CD99: variants seen among roughly 807,000 people sequenced by gnomAD.
CD99 encodes CD99 antigen.
In CD99, 19 loss-of-function variants were observed where a neutral mutation model predicts 28.4. The ratio of observed to expected loss-of-function variants is 0.67; its 90% confidence interval spans 0.47 to 0.98. The LOEUF is 0.98. Among genes scored for constraint, CD99 ranks in the 50% least tolerant of loss-of-function variants. The probability of loss-of-function intolerance (pLI) is 0.00; values close to 1 mark genes in which losing one functional copy is unlikely to be tolerated. For synonymous variants in CD99, 103 were observed against 92.1 expected, an observed-to-expected ratio of 1.12 and a Z score of -0.67; for missense variants, 283 against 248.8, an observed-to-expected ratio of 1.14 and a Z score of -0.92.
chrX:2,707,471 G>A (rs1325915851), intron 1 of CD99, among the ~76,000 whole-genome samples: 1 of 152,158 alleles, frequency 6.6e-6, no homozygotes, highest in Non-Finnish European at 1.5e-5. Flanking sequence ...CACCCCATGT[G>A]GCCTCGGGGA....
intron 8 of CD99, chrX:2,727,408 CT>C (rs2049351079): frequency 5.3e-6 from 4 of 758,610 alleles, no homozygotes; most frequent in African/African-American, 5.1e-5. Flanking sequence ...TTACATTTAG[CT>C]CTTGCCTTCC....
intron 8 of CD99, among the ~76,000 whole-genome samples, chrX:2,735,689 C>T (rs969117548): frequency 3.5e-4 from 53 of 152,134 alleles, no homozygotes; most frequent in Admixed American, 1.6e-3. Context: ...AAAATGCACC[C>T]GTGTTGACAA....
chrX:2,700,125 G>A (rs750180120), intron 1 of CD99, among the ~76,000 whole-genome samples: 4 of 152,294 alleles, frequency 2.6e-5, no homozygotes, highest in South Asian at 2.1e-4. Flanking sequence ...TGGTGGCTGC[G>A]TGTGTGGGCT....
chrX:2,691,882 C>T (rs1443526179), intron 1 of CD99: 3 of 778,994 alleles, frequency 3.9e-6, no homozygotes, highest in Non-Finnish European at 4.8e-6. Flanking sequence ...AATTTGGAAT[C>T]GCTAGGAGCC....
chrX:2,718,702 C>T (rs1030606639), intron 3 of CD99, among the ~76,000 whole-genome samples: 14 of 152,230 alleles, frequency 9.2e-5, no homozygotes, highest in Admixed American at 7.8e-4. Flanking sequence ...AAGTCAGAAA[C>T]GAGGTCCACG....
intron 2 of CD99, chrX:2,717,284 G>C (rs2048770775): frequency 3.8e-6 from 1 of 264,884 alleles, no homozygotes; most frequent in Non-Finnish European, 7.1e-6. Context: ...GGAGGCAGAG[G>C]TTGTGGTGAA....
intron 1 of CD99, among the ~76,000 whole-genome samples, chrX:2,695,621 A>G (rs2047536381): frequency 6.7e-6 from 1 of 149,944 alleles, no homozygotes; most frequent in Non-Finnish European, 1.5e-5. Context: ...TATGTTGCCC[A>G]GACTGAAAAA....
intron 1 of CD99, among the ~76,000 whole-genome samples, chrX:2,711,261 G>A (rs995822850): frequency 2.0e-5 from 3 of 147,050 alleles, no homozygotes; most frequent in Non-Finnish European, 4.5e-5. Flanking sequence ...ATATATATTT[G>A]TATAAATATA....
At chrX:2,736,844 G>A (rs1360598311) in intron 8 of CD99, among the ~76,000 whole-genome samples, 2 of 151,348 alleles carry the variant, frequency 1.3e-5, no homozygotes, top group African/African-American at 2.4e-5. Context: ...GCGACAGAGC[G>A]AGACTCTGTC....
At chrX:2,739,994 AGG>A (rs2050126048) in intron 9 of CD99, among the ~76,000 whole-genome samples, 1 of 150,800 alleles carries the variant, frequency 6.6e-6, no homozygotes, top group African/African-American at 2.4e-5. Context: ...CAGAAGGCTG[AGG>A]CAGGAGAATC....
intron 1 of CD99, among the ~76,000 whole-genome samples, chrX:2,705,576 T>A (rs895186273): frequency 6.6e-6 from 1 of 152,188 alleles, no homozygotes; most frequent in Non-Finnish European, 1.5e-5. Context: ...TCACAGACTT[T>A]GCAGCACTTT....
intron 8 of CD99, chrX:2,733,234 C>A: frequency 1.9e-6 from 2 of 1,031,502 alleles, no homozygotes; most frequent in Non-Finnish European, 3.0e-6. Flanking sequence ...TACTTCCTTG[C>A]TCAGAGCAGC....
At chrX:2,719,728 T>G in intron 4 of CD99, 23 bp downstream of exon 4, 1 of 1,608,480 alleles carries the variant, frequency 6.2e-7, no homozygotes, top group South Asian at 1.1e-5. Flanking sequence ...CTTTAATCTC[T>G]TCTGCTGCTG....
chrX:2,704,040 A>G (rs1429042328), intron 1 of CD99, among the ~76,000 whole-genome samples: 1 of 152,130 alleles, frequency 6.6e-6, no homozygotes, highest in Non-Finnish European at 1.5e-5. Flanking sequence ...ATGCAGGCTC[A>G]TGAGCCTCAC....
rs1386948130 is a variant in CD99, at chrX:2,741,038, C to G, written c.*234C>G. ...ACTTGGACCCCCATTCTCCAAGGCC[C>G]GGGGGGGCGGTTTCCCATGGGATGT... On this transcript the variant is annotated 3_prime_UTR_variant, in exon 10 of 10. Coordinates refer to ENST00000381192, the MANE Select transcript of CD99 (RefSeq NM_002414.5). The G allele has an allele frequency of 3.5e-6, 2 of 574,442 alleles. No homozygotes were observed. The highest frequency in any genetic ancestry group is 6.2e-6 in the Non-Finnish European group (2 of 320,362). The allele number at this position is 574,442 out of a possible 1,614,324, so 35.6% of individuals were successfully genotyped here.
intron 1 of CD99, among the ~76,000 whole-genome samples, chrX:2,710,973 C>T (rs974446575): frequency 4.8e-5 from 7 of 145,322 alleles, no homozygotes; most frequent in African/African-American, 1.0e-4. Context: ...CGGATTCAAG[C>T]GATTTTCCTG....
chrX:2,691,908 G>T, intron 1 of CD99: 2 of 779,126 alleles, frequency 2.6e-6, no homozygotes, highest in East Asian at 2.4e-5. Context: ...CCCGGGTGGT[G>T]GGGGGAAGGG....
intron 1 of CD99, chrX:2,691,781 C>T (rs778397570): frequency 3.9e-6 from 3 of 769,464 alleles, no homozygotes; most frequent in Non-Finnish European, 4.8e-6. Flanking sequence ...CCGTTATCTA[C>T]CCCCAGGGTT....
At chrX:2,694,315 T>A (rs2047472014) in intron 1 of CD99, among the ~76,000 whole-genome samples, 1 of 151,560 alleles carries the variant, frequency 6.6e-6, no homozygotes, top group South Asian at 2.1e-4. Context: ...AGAGCTCTTG[T>A]CTCCTGCCCC....
Sources: allele counts gnomAD v4.1 joint callset (sites outside exome capture counted in the v4.1 genomes callset), GRCh38; gene constraint gnomAD v4.1.1; transcripts MANE v1.5; gene names NCBI Gene and HGNC (gene_info 2026-07-23, HGNC 2026-07-21).